The following MYO1B variants were observed in gnomAD, a reference collection of about 807,000 sequenced individuals.
MYO1B encodes myosin IB.
A neutral mutation model predicts 159.7 loss-of-function variants in MYO1B; 72 were observed. The ratio of observed to expected loss-of-function variants is 0.45; its 90% confidence interval spans 0.37 to 0.55. The LOEUF (loss-of-function observed/expected upper bound fraction) is 0.55. Ranked by LOEUF, MYO1B falls within the 20% of genes least tolerant of loss-of-function variation. The pLI is 0.00. For synonymous variants in MYO1B, 468 were observed against 473.8 expected (o/e 0.99, Z 0.16); for missense variants, 1,062 against 1,364.8 (o/e 0.78, Z 3.50).
At chr2:191,294,575 G>A (rs924600429) in intron 2 of MYO1B, among the ~76,000 whole-genome samples, 2 of 152,174 alleles carry the variant, frequency 1.3e-5, no homozygotes, top group Non-Finnish European at 2.9e-5. Flanking sequence ...CATCTCCTAG[G>A]TGGGTTGCAG....
At chr2:191,368,593 T>C (rs1261007167) in intron 11 of MYO1B, among the ~76,000 whole-genome samples, 1 of 152,190 alleles carries the variant, frequency 6.6e-6, no homozygotes, top group Non-Finnish European at 1.5e-5. Flanking sequence ...TGAATAACTT[T>C]AAAAGTAGAT....
intron 21 of MYO1B, among the ~76,000 whole-genome samples, chr2:191,398,968 T>C (rs1464049005): frequency 1.3e-5 from 2 of 152,212 alleles, no homozygotes; most frequent in Non-Finnish European, 1.5e-5. Flanking sequence ...CACTCCAGCC[T>C]GGGCACCATT....
intron 20 of MYO1B, among the ~76,000 whole-genome samples, chr2:191,393,642 C>T (rs1037377894): frequency 6.6e-6 from 1 of 152,194 alleles, no homozygotes; most frequent in Non-Finnish European, 1.5e-5. Flanking sequence ...ATTGTAGCAG[C>T]TTTGAAAGTG....
chr2:191,302,018 C>T (rs558020099), intron 3 of MYO1B, among the ~76,000 whole-genome samples: 1 of 152,350 alleles, frequency 6.6e-6, no homozygotes, highest in Non-Finnish European at 1.5e-5. Flanking sequence ...AACCCCACTA[C>T]TCTCCTTTGT....
Position 191,363,890 on chromosome 2 carries a change from A to C in MYO1B, c.913+15A>C. 1.2e-6 allele frequency: 2 copies of C among 1,613,402 alleles called. No individual in the cohort carries two copies. Among genetic ancestry groups the C allele is most frequent in the Non-Finnish European group, 1.7e-6 (2 of 1,179,718 alleles). On this transcript the variant is annotated intron_variant, in intron 10 of 30. Transcript: ENST00000392318. ...AGATAAAAATGGTACATCCGTGGAG[A>C]ATCAACTTTGTTTGTTTAGGAAACT... is the stretch of plus-strand genomic sequence containing the variant.
rs910018239 is a variant in MYO1B at position 191,281,665 on chromosome 2, G to C, written c.135+4635G>C. On this transcript the variant is annotated intron_variant, in intron 2 of 30. Coordinates refer to ENST00000392318, the MANE Select transcript of MYO1B (RefSeq NM_001130158.3). ...CCGGCCAGACATGTTCTGTTTTTAG[G>C]GTGACTGGTCAGGACTGTGGTTCTA... Among the ~76,000 whole-genome samples the C allele has an allele frequency of 2.0e-5, 3 of 152,158 alleles. No individual in the cohort carries two copies. In the East Asian group the frequency reaches 5.8e-4, roughly 29 times the overall value.
intron 15 of MYO1B, 65 bp from the exon 16 acceptor site, chr2:191,385,819 T>C: frequency 1.3e-6 from 2 of 1,509,528 alleles, no homozygotes; most frequent in Non-Finnish European, 1.8e-6. Context: ...ATGGTGTAAT[T>C]AGGAATAATT....
intron 2 of MYO1B, among the ~76,000 whole-genome samples, chr2:191,287,453 C>A (rs1225316636): frequency 6.6e-6 from 1 of 151,690 alleles, no homozygotes; most frequent in African/African-American, 2.4e-5. Context: ...TTGCTTGAAC[C>A]AGGGAGGTGG....
chr2:191,404,835 T>G (rs1322853853), intron 24 of MYO1B, among the ~76,000 whole-genome samples: 1 of 152,236 alleles, frequency 6.6e-6, no homozygotes, highest in African/African-American at 2.4e-5. Context: ...AGTTGTAATC[T>G]TTTTGCTGGT....
intron 1 of MYO1B, among the ~76,000 whole-genome samples, chr2:191,252,422 C>T (rs889666340): frequency 1.3e-5 from 2 of 152,216 alleles, no homozygotes; most frequent in Non-Finnish European, 2.9e-5. Context: ...ATAGATGTCT[C>T]TTGAGTATCT....
intron 24 of MYO1B, among the ~76,000 whole-genome samples, chr2:191,402,997 TG>T (rs1696706378): frequency 6.6e-6 from 1 of 152,234 alleles, no homozygotes; most frequent in African/African-American, 2.4e-5. Context: ...GTTATCTTTA[TG>T]AGTGTAAAGT....
chr2:191,281,118 C>T (rs977438475), intron 2 of MYO1B, among the ~76,000 whole-genome samples: 14 of 152,334 alleles, frequency 9.2e-5, no homozygotes, highest in Non-Finnish European at 1.9e-4. Flanking sequence ...CCCCTTGTAA[C>T]CCTTTGAGTA....
intron 7 of MYO1B, among the ~76,000 whole-genome samples, chr2:191,358,270 A>C (rs1693430111): frequency 6.6e-6 from 1 of 152,192 alleles, no homozygotes; most frequent in Non-Finnish European, 1.5e-5. Context: ...TCAGGGTTGA[A>C]TATGATAAAA....
chr2:191,379,717 A>G (rs767847948), intron 13 of MYO1B, among the ~76,000 whole-genome samples: 3 of 152,154 alleles, frequency 2.0e-5, no homozygotes, highest in Non-Finnish European at 4.4e-5. Flanking sequence ...ATCTGCTCTT[A>G]TAAGTTATTA....
intron 13 of MYO1B, among the ~76,000 whole-genome samples, chr2:191,372,879 C>CTTTTTTTTTTTTTTTTTTTTTTTTTTTTT (rs34444520): frequency 1.4e-5 from 1 of 70,104 alleles, no homozygotes; most frequent in African/African-American, 5.9e-5. Context: ...GTTATATTTC[C>CTTTTTTTTTTTTTTTTTTTTTTTTTTTTT]TTTTTTTTTT....
Position 191,277,182 on chromosome 2 carries a change from T to A in MYO1B, c.135+152T>A. ...CCCTCAGAAAGAGTTGAGTTTTTAC[T>A]GATTTAGCCCATGAGTAATGTGGGT... On this transcript the variant is annotated intron_variant, in intron 2 of 30. Transcript: ENST00000392318. 5 of 928,448 alleles carry A rather than the reference T, an allele frequency of 5.4e-6. No homozygotes were observed. The South Asian group carries it at 9.2e-5, about 17-fold the overall frequency. 57.5% of individuals were successfully genotyped at this position (928,448 alleles called of 1,614,324 possible). A position where few individuals can be genotyped will look rare whatever the true frequency, so the allele number is the denominator to read the frequency against.
At chr2:191,285,224 A>C (rs1247689481) in intron 2 of MYO1B, among the ~76,000 whole-genome samples, 1 of 152,258 alleles carries the variant, frequency 6.6e-6, no homozygotes, top group East Asian at 1.9e-4. Flanking sequence ...TGTCTCAACG[A>C]AGATATGGCA....
chr2:191,262,509 A>G (rs1447199378), intron 1 of MYO1B, among the ~76,000 whole-genome samples: 2 of 152,082 alleles, frequency 1.3e-5, no homozygotes, highest in African/African-American at 4.8e-5. Flanking sequence ...TTTATCTTCC[A>G]TGGGACCATC....
intron 3 of MYO1B, among the ~76,000 whole-genome samples, chr2:191,326,957 G>T (rs963910583): frequency 3.3e-5 from 5 of 152,118 alleles, no homozygotes; most frequent in Non-Finnish European, 7.4e-5. Flanking sequence ...CAGTGAGTAC[G>T]TATTATATAT....
Sources: gnomAD v4.1 joint callset for allele counts (sites outside exome capture counted in the v4.1 genomes callset) on GRCh38, gnomAD v4.1.1 for gene constraint, MANE v1.5 for transcripts, NCBI Gene and HGNC (gene_info 2026-07-23, HGNC 2026-07-21) for gene names.